ADAM19: variants seen among roughly 807,000 people sequenced by gnomAD.
The protein encoded by ADAM19 is disintegrin and metalloproteinase domain-containing protein 19.
Under a neutral mutation model 114.7 loss-of-function variants are expected in ADAM19, and 65 were observed. That is an observed-to-expected ratio of 0.57 (90% CI 0.46 to 0.70). The LOEUF (loss-of-function observed/expected upper bound fraction) is 0.70, where lower values mean the gene tolerates loss of function less well. ADAM19 is among the 30% of genes least tolerant of loss of function. The probability of loss-of-function intolerance (pLI) is 0.00; values close to 1 mark genes in which losing one functional copy is unlikely to be tolerated. For synonymous variants in ADAM19, 466 were observed against 460.5 expected, an observed-to-expected ratio of 1.01 and a Z score of -0.15; for missense variants, 1,063 against 1,204.7, an observed-to-expected ratio of 0.88 and a Z score of 1.74.
intron 22 of ADAM19, chr5:157,481,527 C>G: frequency 1.5e-6 from 2 of 1,303,500 alleles, no homozygotes; most frequent in Non-Finnish European, 2.1e-6. Context: ...GAGGGACTTG[C>G]TCAGGGTCCC....
chr5:157,479,038 C>A lies in ADAM19; in HGVS notation c.*1911G>T, dbSNP rs1754673564. ...TCACCTTTACTTTCCAGGAACCAAG[C>A]CTTGAGGCAGAGGGTAGCACATTTA... is the stretch of plus-strand genomic sequence containing the variant. On this transcript the variant is annotated 3_prime_UTR_variant, in exon 23 of 23. Coordinates refer to ENST00000257527, the MANE Select transcript of ADAM19 (RefSeq NM_033274.5). 1.0e-6 allele frequency: 1 copy of A among 985,720 alleles called. No homozygotes were observed. The highest frequency in any genetic ancestry group is 1.2e-6 in the Non-Finnish European group (1 of 829,928). 61.1% of individuals were successfully genotyped at this position (985,720 alleles called of 1,614,324 possible).
chr5:157,524,508 T>C (rs942105253), intron 5 of ADAM19, among the ~76,000 whole-genome samples: 1 of 152,236 alleles, frequency 6.6e-6, no homozygotes, highest in African/African-American at 2.4e-5. Flanking sequence ...TCCTGGGGAC[T>C]TGTCCATTCA....
intron 5 of ADAM19, among the ~76,000 whole-genome samples, chr5:157,527,461 C>G (rs1408853546): frequency 1.3e-5 from 2 of 152,180 alleles, no homozygotes; most frequent in African/African-American, 2.4e-5. Context: ...CTGCCTGCCT[C>G]GGCCTCCCAA....
At chr5:157,571,529 C>T (rs1396427121) in intron 1 of ADAM19, among the ~76,000 whole-genome samples, 1 of 152,148 alleles carries the variant, frequency 6.6e-6, no homozygotes, top group Non-Finnish European at 1.5e-5. Flanking sequence ...TCTGATAATG[C>T]AGAGACCACG....
chr5:157,536,957 C>A (rs578072714), intron 4 of ADAM19, among the ~76,000 whole-genome samples: 1 of 152,320 alleles, frequency 6.6e-6, no homozygotes, highest in South Asian at 2.1e-4. Context: ...CCTTCTTCAC[C>A]CCCATCTCAC....
intron 16 of ADAM19, among the ~76,000 whole-genome samples, chr5:157,492,333 C>T (rs1246005690): frequency 6.6e-6 from 1 of 152,092 alleles, no homozygotes; most frequent in Admixed American, 6.6e-5. Context: ...CAGCACACTT[C>T]AGGTTACTAT....
chr5:157,534,138 AT>A (rs1450400678), intron 4 of ADAM19, among the ~76,000 whole-genome samples: 16 of 152,130 alleles, frequency 1.1e-4, no homozygotes, highest in Non-Finnish European at 2.1e-4. Flanking sequence ...CACATACACT[AT>A]CTCTTGTGAT....
chr5:157,487,187 T>C (rs1401416072), intron 21 of ADAM19, among the ~76,000 whole-genome samples: 1 of 152,100 alleles, frequency 6.6e-6, no homozygotes, highest in Non-Finnish European at 1.5e-5. Flanking sequence ...TCTCCACTCC[T>C]CCCCTCTCTT....
Position 157,530,894 on chromosome 5 carries a change from G to A in ADAM19, c.331-11C>T. On this transcript the variant is annotated splice_polypyrimidine_tract_variant and intron_variant, in intron 4 of 22. Coordinates refer to ENST00000257527, the MANE Select transcript of ADAM19 (RefSeq NM_033274.5). ...GTAAAAGCAGTGATCCTAGCAAGGAGAAAGGAGGTGGTCAGGCTAAAGAAC... is the reference window on the plus strand; with the variant it reads ...GTAAAAGCAGTGATCCTAGCAAGGAAAAAGGAGGTGGTCAGGCTAAAGAAC... 1 of 1,611,900 alleles carries A rather than the reference G, an allele frequency of 6.2e-7. No homozygotes were observed. The highest frequency in any genetic ancestry group is 8.5e-7 in the Non-Finnish European group (1 of 1,178,014).
In ADAM19 at chr5:157,569,194, T is replaced by A. The variant is rs570901047; in HGVS notation, c.180+1701A>T. The A allele has an allele frequency of 7.2e-5, 11 of 152,084 alleles. 1 individual carries two copies. The highest frequency in any genetic ancestry group is 6.5e-4 in the Admixed American group (10 of 15,290). 9.4% of individuals were successfully genotyped at this position (152,084 alleles called of 1,614,324 possible). A position where few individuals can be genotyped will look rare whatever the true frequency, so the allele number is the denominator to read the frequency against. On this transcript the variant is annotated intron_variant, in intron 2 of 22. Transcript: ENST00000257527. ...GATGAAATGAATTCCATGCGTTTAC[T>A]GCCTTTAGGACAAAATGTTACTTGC...
intron 3 of ADAM19, among the ~76,000 whole-genome samples, chr5:157,550,260 G>GT (rs1225466027): frequency 0.028 from 4 of 144 alleles, no homozygotes; most frequent in South Asian, 0.12. Context: ...GCTTATCCCA[G>GT]GCTCTCTCCT....
At chr5:157,528,527 T>A (rs1756536591) in intron 5 of ADAM19, among the ~76,000 whole-genome samples, 4 of 152,208 alleles carry the variant, frequency 2.6e-5, no homozygotes, top group Admixed American at 1.3e-4. Context: ...GCCAGTTAGC[T>A]TGGCTCAATC....
intron 5 of ADAM19, 31 bp downstream of exon 5, chr5:157,530,776 C>G (rs3734032): frequency 5.0e-6 from 8 of 1,593,424 alleles, no homozygotes; most frequent in Non-Finnish European, 6.0e-6. Context: ...GGAGAGTGCC[C>G]GGTGCCACCT....
intron 13 of ADAM19, 68 bp from the exon 14 acceptor site, chr5:157,497,157 C>T: frequency 2.2e-6 from 3 of 1,346,368 alleles, no homozygotes; most frequent in Non-Finnish European, 2.9e-6. Context: ...TGCCCAAGGG[C>T]TCATAAGGAT....
Position 157,479,067 on chromosome 5 carries a change from A to T in ADAM19, c.*1882T>A. 1.0e-6 allele frequency: 1 copy of T among 985,850 alleles called. No homozygotes were observed. The highest frequency in any genetic ancestry group is 1.2e-6 in the Non-Finnish European group (1 of 829,942). 61.1% of individuals were successfully genotyped at this position (985,850 alleles called of 1,614,324 possible). A position where few individuals can be genotyped will look rare whatever the true frequency, so the allele number is the denominator to read the frequency against. On this transcript the variant is annotated 3_prime_UTR_variant, in exon 23 of 23. Transcript: ENST00000257527. ...GAGGCAGAGGGTAGCACATTTAAAT[A>T]AAAGGTTGGGCCACAGGAAAGGTGG...
chr5:157,559,505 T>C (rs1757456417), intron 3 of ADAM19, among the ~76,000 whole-genome samples: 1 of 152,194 alleles, frequency 6.6e-6, no homozygotes, highest in Non-Finnish European at 1.5e-5. Context: ...GGTTGAGCAA[T>C]TCAGTGTGCC....
rs767567664 is a variant in ADAM19 at position 157,480,924 on chromosome 5, A to G, written c.*25T>C. 6.2e-7 allele frequency: 1 copy of G among 1,614,074 alleles called. No individual in the cohort carries two copies. The highest frequency in any genetic ancestry group is 1.1e-5 in the South Asian group (1 of 91,078). ...TCTGCAGTGTCCAGAGAGCTCAAGG[A>G]AAGGGAGAAGCCCCTTGGACAGGTC... is the stretch of plus-strand genomic sequence containing the variant. On this transcript the variant is annotated 3_prime_UTR_variant, in exon 23 of 23. Transcript: ENST00000257527.
intron 19 of ADAM19, among the ~76,000 whole-genome samples, chr5:157,489,600 A>G (rs1486558089): frequency 6.6e-6 from 1 of 152,240 alleles, no homozygotes; most frequent in African/African-American, 2.4e-5. Context: ...ATCCAAAATA[A>G]TACATCACTT....
intron 12 of ADAM19, among the ~76,000 whole-genome samples, chr5:157,502,546 C>T (rs909056578): frequency 6.6e-6 from 1 of 152,212 alleles, no homozygotes; most frequent in Admixed American, 6.5e-5. Context: ...GCCACGTGAT[C>T]GTGGTTTCTG....
Sources: allele counts gnomAD v4.1 joint callset (sites outside exome capture counted in the v4.1 genomes callset), GRCh38; gene constraint gnomAD v4.1.1; transcripts MANE v1.5; gene names NCBI Gene and HGNC (gene_info 2026-07-23, HGNC 2026-07-21).